The following CCR7 variants were observed in gnomAD, a reference collection of about 807,000 sequenced individuals.
CCR7 encodes the protein C-C chemokine receptor type 7.
A neutral mutation model predicts 26.0 loss-of-function variants in CCR7; 11 were observed. The observed-to-expected ratio is 0.42, with a 90% CI of 0.27 to 0.70. The LOEUF (loss-of-function observed/expected upper bound fraction) is 0.70. Among genes scored for constraint, CCR7 ranks in the 30% least tolerant of loss-of-function variants. CCR7 has a pLI of 0.23. For synonymous variants in CCR7, 189 were observed against 202.1 expected (o/e 0.94, Z 0.55); for missense variants, 360 against 504.0 (o/e 0.71, Z 2.74).
In CCR7 at chr17:40,555,868, C is replaced by A; in HGVS notation, c.61-50G>T. ...ACAGGCCAGTTTAGCTGGGTGGCTC[C>A]AACTCTGGCTGGGATTTAGCCTAGA... On this transcript the variant is annotated intron_variant, in intron 2 of 2. Coordinates refer to ENST00000246657, the MANE Select transcript of CCR7 (RefSeq NM_001838.4). The surrounding 1 kb of genome is among the most constrained non-coding windows in gnomAD (Gnocchi z 5.6). 2 of 1,307,448 alleles carry A rather than the reference C, an allele frequency of 1.5e-6. No homozygotes were observed. Among genetic ancestry groups the A allele is most frequent in the Non-Finnish European group, 2.2e-6 (2 of 918,314 alleles). The allele number at this position is 1,307,448 out of a possible 1,614,324, so 81.0% of individuals were successfully genotyped here.
In CCR7 at chr17:40,554,684, C is replaced by A; in HGVS notation, c.*58G>T. 1 of 1,377,464 alleles carries A rather than the reference C, an allele frequency of 7.3e-7. No individual in the cohort carries two copies. The highest frequency in any genetic ancestry group is 1.4e-5 in the South Asian group (1 of 73,198). 85.3% of individuals were successfully genotyped at this position (1,377,464 alleles called of 1,614,324 possible). Reference sequence around the variant, plus strand: ...ATGTCCTGAGTCATTGCATCTGCTCCCTATCCCCACCCCAGGGACCCTGGG... The same window carrying A: ...ATGTCCTGAGTCATTGCATCTGCTCACTATCCCCACCCCAGGGACCCTGGG... On this transcript the variant is annotated 3_prime_UTR_variant, in exon 3 of 3. Transcript: ENST00000246657.
chr17:40,561,677 T>C (rs1473359853), intron 1 of CCR7, among the ~76,000 whole-genome samples: 3 of 152,312 alleles, frequency 2.0e-5, no homozygotes, highest in African/African-American at 7.2e-5. Flanking sequence ...CCCACATTTT[T>C]CCAGGTCCTC....
Position 40,555,024 on chromosome 17 carries a change from G to A in CCR7, c.855C>T (p.Ala285=), listed in dbSNP as rs150170492. The part of the protein sequence containing the change: ...FQLPYNGVVL[A]QTVANFNITS... ...TGATGTTGAAGTTGGCCACCGTCTG[G>A]GCCAGGACCACCCCATTGTAGGGCA... Residue 285 remains alanine (A), a synonymous_variant, in exon 3 of 3, where the codon GCC becomes GCT. Coordinates refer to ENST00000246657, the MANE Select transcript of CCR7 (RefSeq NM_001838.4). The surrounding 1 kb of genome is among the most constrained non-coding windows in gnomAD (Gnocchi z 5.6). 107 of 1,614,200 alleles carry A rather than the reference G, an allele frequency of 6.6e-5. No homozygotes were observed. The African/African-American group carries it at 1.3e-3, about 19-fold the overall frequency.
chr17:40,557,149 G>A (rs936472216), intron 2 of CCR7, among the ~76,000 whole-genome samples: 3 of 152,176 alleles, frequency 2.0e-5, no homozygotes, highest in Admixed American at 6.5e-5. Context: ...CAATCAGCAG[G>A]ACTCAGCTGC....
Position 40,565,387 on chromosome 17 carries a change from GA to G in CCR7, c.10+12del. On this transcript the variant is annotated intron_variant, in intron 1 of 2. Transcript: ENST00000246657. Reference sequence around the variant, plus strand: ...CTGGTACTGTTCCTTCTCACATGAAGAGGCTCACTCACCCAGGTCCATGACG... The same window carrying G: ...CTGGTACTGTTCCTTCTCACATGAAGGGCTCACTCACCCAGGTCCATGACG... 6.2e-7 allele frequency: 1 copy of G among 1,612,050 alleles called. No homozygotes were observed. Among genetic ancestry groups the G allele is most frequent in the Non-Finnish European group, 8.5e-7 (1 of 1,178,142 alleles).
intron 1 of CCR7, among the ~76,000 whole-genome samples, chr17:40,560,384 C>A (rs924293778): frequency 2.0e-5 from 3 of 152,184 alleles, no homozygotes; most frequent in African/African-American, 7.2e-5. Context: ...CTGTTTAAGG[C>A]ACCTTCTCCT....
chr17:40,555,594 G>T lies in CCR7; in HGVS notation c.285C>A (p.Thr95=). 6.2e-7 allele frequency: 1 copy of T among 1,614,152 alleles called. No homozygotes were observed. ...CTGCCACCGCCAGGTTGAGCAGGTA[G>T]GTATCGGTCATGGTCTTGAGCCTCT... The part of the protein sequence containing the change: ...YFKRLKTMTD[T]YLLNLAVADI... The change falls in exon 3 of 3, where the codon ACC becomes ACA. Residue 95 remains threonine (T), a synonymous_variant. Coordinates refer to ENST00000246657, the MANE Select transcript of CCR7 (RefSeq NM_001838.4). The surrounding 1 kb of genome is among the most constrained non-coding windows in gnomAD (Gnocchi z 5.6).
In CCR7 at chr17:40,555,819, C is replaced by T; in HGVS notation, c.61-1G>A. Reference sequence around the variant, plus strand: ...TGACCTCATCTTGACACAGGCATACCTTCGGGGAAGGAAATGAGGGAAAAC... The same window carrying T: ...TGACCTCATCTTGACACAGGCATACTTTCGGGGAAGGAAATGAGGGAAAAC... On this transcript the variant is annotated splice_acceptor_variant, in intron 2 of 2. Transcript: ENST00000246657. LOFTEE classifies it high-confidence loss of function. This position sits in a 1 kb window ranked among gnomAD's most constrained non-coding sequence, Gnocchi z 5.6. 3 of 1,606,948 alleles carry T rather than the reference C, an allele frequency of 1.9e-6. No individual in the cohort carries two copies. The highest frequency in any genetic ancestry group is 2.6e-6 in the Non-Finnish European group (3 of 1,174,644).
Position 40,555,642 on chromosome 17 carries a change from G to T in CCR7, c.237C>A (p.Val79=), listed in dbSNP as rs114428166. ...TCTTGAAATAGATATAGGTCAACAC[G>T]ACCAGCCCATTGCCCAGTAGGCCCA... is the stretch of plus-strand genomic sequence containing the variant. ...CFVGLLGNGL[V]VLTYIYFKRL... The change falls in exon 3 of 3, where the codon GTC becomes GTA. Residue 79 remains valine, a synonymous_variant. Transcript: ENST00000246657. The surrounding 1 kb of genome is among the most constrained non-coding windows in gnomAD (Gnocchi z 5.6). 3.4e-4 allele frequency: 556 copies of T among 1,614,102 alleles called. 1 individual carries two copies. In the African/African-American group the frequency reaches 6.6e-3, roughly 19 times the overall value.
chr17:40,560,389 TCTC>T (rs1325661481), intron 1 of CCR7, among the ~76,000 whole-genome samples: 1 of 152,124 alleles, frequency 6.6e-6, no homozygotes, highest in African/African-American at 2.4e-5. Flanking sequence ...TAAGGCACCT[TCTC>T]CTGGAGGCTG....
chr17:40,559,708 T>G (rs2036633326), intron 1 of CCR7, among the ~76,000 whole-genome samples: 1 of 152,128 alleles, frequency 6.6e-6, no homozygotes, highest in Non-Finnish European at 1.5e-5. Context: ...GGCCCAGAAT[T>G]GAGGAGGTGC....
rs988975516 is a variant in CCR7, at chr17:40,555,990, C to T, written c.61-172G>A. Among the ~76,000 whole-genome samples, 1 of 152,042 alleles carries T rather than the reference C, an allele frequency of 6.6e-6. No homozygotes were observed. The highest frequency in any genetic ancestry group is 6.5e-5 in the Admixed American group (1 of 15,272). The stretch of plus-strand genomic sequence containing the variant: ...GTGCAATCATGGCTCCCTGCAGCCT[C>T]GGCCTCTCCAGGCTCAGGTGATCCT... On this transcript the variant is annotated intron_variant, in intron 2 of 2. Transcript: ENST00000246657. This position sits in a 1 kb window ranked among gnomAD's most constrained non-coding sequence, Gnocchi z 5.6.
At chr17:40,559,028 G>A (rs1351714197) in intron 1 of CCR7, 86 bp from the exon 2 acceptor site, 1 of 1,133,992 alleles carries the variant, frequency 8.8e-7, no homozygotes, top group Non-Finnish European at 1.3e-6. Flanking sequence ...AGACGCTGTT[G>A]GGAACTTTCC....
rs1597721254 is a variant in CCR7, at chr17:40,554,439, C to T, written c.*303G>A. 1 of 364,566 alleles carries T rather than the reference C, an allele frequency of 2.7e-6. No individual in the cohort carries two copies. Among genetic ancestry groups the T allele is most frequent in the East Asian group, 5.5e-5 (1 of 18,076 alleles). 22.6% of individuals were successfully genotyped at this position (364,566 alleles called of 1,614,324 possible). A position where few individuals can be genotyped will look rare whatever the true frequency, so the allele number is the denominator to read the frequency against. ...CTCACCCTCCTTGGCCCCTTCACTC[C>T]AGCAGGTGGGAACAGTTTCTGGACT... On this transcript the variant is annotated 3_prime_UTR_variant, in exon 3 of 3. Coordinates refer to ENST00000246657, the MANE Select transcript of CCR7 (RefSeq NM_001838.4).
chr17:40,557,851 G>T (rs1330856963), intron 2 of CCR7, among the ~76,000 whole-genome samples: 1 of 152,220 alleles, frequency 6.6e-6, no homozygotes. Flanking sequence ...CCAAGTGAAA[G>T]GGAAGAATGA....
At position 40,554,941 on chromosome 17, in the gene CCR7, C is replaced by T; in HGVS notation, c.938G>A (p.Ser313Asn). 2 of 1,614,220 alleles carry T rather than the reference C, an allele frequency of 1.2e-6. No homozygotes were observed. Among genetic ancestry groups the T allele is most frequent in the Non-Finnish European group, 1.7e-6 (2 of 1,180,044 alleles). Residue 313 changes from serine (S) to asparagine (N), a missense_variant, in exon 3 of 3, where the codon AGC (serine) becomes AAC (asparagine). Physicochemically the swap from Ser to Asn is conservative, Grantham distance 46. Transcript: ENST00000246657. ...GACGCAGCAGCGGACGCAGGCCAGGCTGTAGGTGACGTCGTAGGCGATGTT... is the reference window on the plus strand; with the variant it reads ...GACGCAGCAGCGGACGCAGGCCAGGTTGTAGGTGACGTCGTAGGCGATGTT... ...QLNIAYDVTYSLACVRCCVNP... is the reference protein window; with the variant it reads ...QLNIAYDVTYNLACVRCCVNP...
chr17:40,555,039 A>C lies in CCR7; in HGVS notation c.840T>G (p.Asn280Lys). ...CCACCGTCTGGGCCAGGACCACCCC[A>C]TTGTAGGGCAGCTGGAAGACTATGA... ...VVFIVFQLPYNGVVLAQTVAN... is the reference protein window; with the variant it reads ...VVFIVFQLPYKGVVLAQTVAN... Residue 280 changes from asparagine to lysine, a missense_variant, in exon 3 of 3, where the codon AAT (asparagine) becomes AAG (lysine). Physicochemically the swap from Asn to Lys is moderately conservative, Grantham distance 94. Coordinates refer to ENST00000246657, the MANE Select transcript of CCR7 (RefSeq NM_001838.4). The surrounding 1 kb of genome is among the most constrained non-coding windows in gnomAD (Gnocchi z 5.6). 6.2e-7 allele frequency: 1 copy of C among 1,614,088 alleles called. No homozygotes were observed. The highest frequency in any genetic ancestry group is 8.5e-7 in the Non-Finnish European group (1 of 1,180,026).
At chr17:40,562,275 A>C (rs1184170493) in intron 1 of CCR7, among the ~76,000 whole-genome samples, 1 of 152,204 alleles carries the variant, frequency 6.6e-6, no homozygotes, top group Non-Finnish European at 1.5e-5. Context: ...CAGAGAGATT[A>C]AGCCAAATGC....
intron 1 of CCR7, among the ~76,000 whole-genome samples, chr17:40,564,693 C>T (rs1018633038): frequency 6.6e-6 from 1 of 152,180 alleles, no homozygotes; most frequent in African/African-American, 2.4e-5. Context: ...GAGGTTTGCT[C>T]AGGGGCAGGG....
Sources: gnomAD v4.1 joint callset for allele counts (sites outside exome capture counted in the v4.1 genomes callset) on GRCh38, gnomAD v4.1.1 for gene constraint, Gnocchi (gnomAD v3.1) non-coding constraint, MANE v1.5 for transcripts, NCBI Gene and HGNC (gene_info 2026-07-23, HGNC 2026-07-21) for gene names.